MEIS1: variants seen among roughly 807,000 people sequenced by gnomAD.
MEIS1 encodes the protein homeobox protein Meis1.
A neutral mutation model predicts 50.8 loss-of-function variants in MEIS1; 5 were observed. The observed-to-expected ratio is 0.10, with a 90% CI of 0.05 to 0.21. The LOEUF is 0.21. Ranked by LOEUF, MEIS1 falls within the 10% of genes least tolerant of loss-of-function variation. MEIS1 has a pLI of 1.00. For missense variants in MEIS1, 318 were observed against 517.3 expected (o/e 0.61, Z 3.74); for synonymous variants, 176 against 179.3 (o/e 0.98, Z 0.15).
chr2:66,523,060 A>T lies in MEIS1; in HGVS notation c.888+10766A>T, dbSNP rs150984682. 3.0e-3 allele frequency among the ~76,000 whole-genome samples: 452 copies of T among 152,352 alleles called. 5 individuals are homozygous for T. In the East Asian group the frequency reaches 0.037, roughly 12 times the overall value. ...AGTGCAGCAGTTACTGAACAGAAAC[A>T]GGTGTGAGCAGTTTCCTAATTCGTT... is the stretch of plus-strand genomic sequence containing the variant. On this transcript the variant is annotated intron_variant, in intron 8 of 12. Coordinates refer to ENST00000272369, the MANE Select transcript of MEIS1 (RefSeq NM_002398.3).
At chr2:66,491,053 T>A (rs1160483472) in intron 7 of MEIS1, among the ~76,000 whole-genome samples, 6 of 147,710 alleles carry the variant, frequency 4.1e-5, no homozygotes, top group East Asian at 2.0e-4. Flanking sequence ...AAAAAAAAAA[T>A]GGAGAAATGT....
chr2:66,500,071 A>C (rs568519408), intron 7 of MEIS1, among the ~76,000 whole-genome samples: 4 of 152,310 alleles, frequency 2.6e-5, no homozygotes, highest in African/African-American at 9.6e-5. Flanking sequence ...CCTACAAACT[A>C]TGAGGCCAGA....
intron 7 of MEIS1, among the ~76,000 whole-genome samples, chr2:66,490,671 A>G (rs1673250351): frequency 6.6e-6 from 1 of 152,024 alleles, no homozygotes; most frequent in Non-Finnish European, 1.5e-5. Flanking sequence ...GTTGTGATTC[A>G]CAGAGTTGAA....
intron 6 of MEIS1, among the ~76,000 whole-genome samples, chr2:66,462,991 T>G (rs908332030): frequency 6.6e-6 from 1 of 152,136 alleles, no homozygotes; most frequent in African/African-American, 2.4e-5. Flanking sequence ...GGATCTTTAC[T>G]TTTCTCTCCC....
intron 10 of MEIS1, 143 bp downstream of exon 10, chr2:66,567,654 C>A: frequency 1.3e-6 from 1 of 743,934 alleles, no homozygotes; most frequent in Non-Finnish European, 2.4e-6. Flanking sequence ...AGTTTCGTTT[C>A]ATAACAACAC....
chr2:66,555,280 C>CTCTTT (rs10695722), intron 9 of MEIS1, among the ~76,000 whole-genome samples: 1 of 133,848 alleles, frequency 7.5e-6, no homozygotes. Context: ...CTCTCTCTCT[C>CTCTTT]GTCTCTCTCC....
intron 7 of MEIS1, among the ~76,000 whole-genome samples, chr2:66,478,528 A>T (rs1290922346): frequency 1.3e-5 from 2 of 152,244 alleles, no homozygotes; most frequent in African/African-American, 2.4e-5. Context: ...ATCCAAATGC[A>T]TAACTCCTGT....
intron 9 of MEIS1, among the ~76,000 whole-genome samples, chr2:66,559,341 C>G (rs191393063): frequency 2.0e-5 from 3 of 152,092 alleles, no homozygotes. Context: ...TGCCTGTTGC[C>G]CAGTGTAATT....
chr2:66,506,936 G>T (rs115003950), intron 7 of MEIS1, among the ~76,000 whole-genome samples: 2,530 of 152,220 alleles, frequency 0.017, 72 homozygotes, highest in African/African-American at 0.058. Flanking sequence ...TATTGATGGG[G>T]TGTTTGTGTC....
At chr2:66,568,851 A>G in intron 11 of MEIS1, 95 bp downstream of exon 11, 1 of 1,249,242 alleles carries the variant, frequency 8.0e-7, no homozygotes, top group Non-Finnish European at 1.2e-6. Context: ...CTTTTCTGTT[A>G]TCTCAAGCTG....
At chr2:66,475,195 T>A (rs1672861417) in intron 7 of MEIS1, among the ~76,000 whole-genome samples, 2 of 147,360 alleles carry the variant, frequency 1.4e-5, no homozygotes, top group Admixed American at 1.4e-4. Flanking sequence ...AATATAAATA[T>A]GCACACCTAT....
chr2:66,569,116 C>G lies in MEIS1; in HGVS notation c.*8C>G, dbSNP rs1395137801. Reference sequence around the variant, plus strand: ...CAGTGGCACTACATGTAACCTTCATCTAGTTAACCAATCGCAAAGCAAGGG... The same window carrying G: ...CAGTGGCACTACATGTAACCTTCATGTAGTTAACCAATCGCAAAGCAAGGG... On this transcript the variant is annotated 3_prime_UTR_variant, in exon 12 of 13. Transcript: ENST00000272369. The G allele has an allele frequency of 1.2e-6, 2 of 1,612,984 alleles. No individual in the cohort carries two copies. Among genetic ancestry groups the G allele is most frequent in the Admixed American group, 3.3e-5 (2 of 59,860 alleles).
intron 8 of MEIS1, among the ~76,000 whole-genome samples, chr2:66,525,815 C>G (rs1674236152): frequency 6.6e-6 from 1 of 152,206 alleles, no homozygotes; most frequent in African/African-American, 2.4e-5. Context: ...AGCTTCAGTG[C>G]TCTGGTGACA....
intron 7 of MEIS1, among the ~76,000 whole-genome samples, chr2:66,501,196 C>G (rs1174284737): frequency 6.6e-6 from 1 of 152,108 alleles, no homozygotes; most frequent in Non-Finnish European, 1.5e-5. Context: ...AAAATTCTTT[C>G]TAAGCTGTTG....
intron 8 of MEIS1, among the ~76,000 whole-genome samples, chr2:66,534,285 C>T (rs1313318256): frequency 6.6e-6 from 1 of 152,164 alleles, no homozygotes; most frequent in Non-Finnish European, 1.5e-5. Flanking sequence ...CCTGTAATCC[C>T]AGCACTTTGG....
At chr2:66,460,595 G>C (rs1241955372) in intron 6 of MEIS1, among the ~76,000 whole-genome samples, 2 of 152,186 alleles carry the variant, frequency 1.3e-5, no homozygotes, top group African/African-American at 4.8e-5. Context: ...CTTACTGATG[G>C]AGTGCAGTTT....
chr2:66,454,862 G>A (rs927387381), intron 6 of MEIS1: 1 of 152,032 alleles, frequency 6.6e-6, no homozygotes, highest in South Asian at 2.1e-4. Context: ...AATGATCAGA[G>A]TTCAGCAGAA....
intron 2 of MEIS1, chr2:66,439,318 C>T: frequency 1.7e-6 from 2 of 1,150,452 alleles, no homozygotes; most frequent in South Asian, 8.0e-5. Flanking sequence ...CTAGGTGCAG[C>T]CCGTTGACAG....
chr2:66,531,506 T>C (rs1490670267), intron 8 of MEIS1, among the ~76,000 whole-genome samples: 2 of 152,244 alleles, frequency 1.3e-5, no homozygotes, highest in Admixed American at 6.5e-5. Context: ...ATTGGTTTCC[T>C]ATTCAGTACT....
Sources: gnomAD v4.1 joint callset for allele counts (sites outside exome capture counted in the v4.1 genomes callset) on GRCh38, gnomAD v4.1.1 for gene constraint, MANE v1.5 for transcripts, NCBI Gene and HGNC (gene_info 2026-07-23, HGNC 2026-07-21) for gene names.